MOV10L1: variants seen among roughly 807,000 people sequenced by gnomAD.
MOV10L1 encodes the protein Mov10 like RNA helicase 1, also known as RNA helicase Mov10l1.
In MOV10L1, 110 loss-of-function variants were observed where a neutral mutation model predicts 143.8. That is an observed-to-expected ratio of 0.76 (90% CI 0.66 to 0.90). The LOEUF (loss-of-function observed/expected upper bound fraction) is 0.90, where lower values mean the gene tolerates loss of function less well. MOV10L1 is among the 40% of genes least tolerant of loss of function. MOV10L1 has a pLI of 0.00. For synonymous variants in MOV10L1, 593 were observed against 581.1 expected, an observed-to-expected ratio of 1.02 and a Z score of -0.29; for missense variants, 1,406 against 1,526.8, an observed-to-expected ratio of 0.92 and a Z score of 1.32.
intron 13 of MOV10L1, among the ~76,000 whole-genome samples, chr22:50,131,063 ATTT>A (rs3041370): frequency 0.025 from 3,266 of 128,080 alleles, 47 homozygotes; most frequent in South Asian, 0.04. Context: ...CGCCCGGCTA[ATTT>A]TTTTTTTTTT....
chr22:50,148,987 G>A (rs537908327), intron 19 of MOV10L1, among the ~76,000 whole-genome samples: 14 of 152,334 alleles, frequency 9.2e-5, no homozygotes, highest in South Asian at 4.1e-4. Flanking sequence ...TAATGGTGCC[G>A]CAGATTGGGA....
intron 1 of MOV10L1, chr22:50,091,513 T>C (rs2062441922): frequency 6.5e-6 from 1 of 154,248 alleles, no homozygotes; most frequent in South Asian, 2.0e-4. Flanking sequence ...TGCTAATGAC[T>C]CCCAGATGCT....
At chr22:50,095,402 A>T (rs945570901) in intron 2 of MOV10L1, 1 of 152,198 alleles carries the variant, frequency 6.6e-6, no homozygotes, top group African/African-American at 2.4e-5. Context: ...TTATTTAATT[A>T]TATTTTTTCC....
chr22:50,138,965 G>A (rs1353599316), intron 15 of MOV10L1, among the ~76,000 whole-genome samples: 1 of 151,100 alleles, frequency 6.6e-6, no homozygotes, highest in Non-Finnish European at 1.5e-5. Flanking sequence ...GCCTCCCATA[G>A]TGCTGGGATT....
chr22:50,128,981 T>C (rs1190286570), intron 13 of MOV10L1, among the ~76,000 whole-genome samples: 1 of 152,122 alleles, frequency 6.6e-6, no homozygotes, highest in Non-Finnish European at 1.5e-5. Flanking sequence ...TGTCTCTTTA[T>C]CTTTAATTGG....
intron 19 of MOV10L1, chr22:50,147,270 C>G (rs1407462702): frequency 5.0e-6 from 2 of 396,908 alleles, no homozygotes; most frequent in African/African-American, 9.2e-5. Flanking sequence ...AGGGAGGGTG[C>G]TGCAGGCCGC....
intron 15 of MOV10L1, among the ~76,000 whole-genome samples, chr22:50,136,154 G>C (rs2062818308): frequency 6.6e-6 from 1 of 152,102 alleles, no homozygotes; most frequent in South Asian, 2.1e-4. Context: ...TTTCATAGTT[G>C]ATCTCTTTTT....
intron 15 of MOV10L1, among the ~76,000 whole-genome samples, chr22:50,140,396 G>A (rs2062946693): frequency 6.6e-6 from 1 of 152,162 alleles, no homozygotes; most frequent in Non-Finnish European, 1.5e-5. Context: ...CTTATTGTAT[G>A]TCAGTCACAC....
rs764307888 is a variant in MOV10L1, at chr22:50,108,167, G to A, written c.474G>A (p.Glu158=). Residue 158 remains glutamate (E), a synonymous_variant, in exon 4 of 27, where the codon GAG becomes GAA. Transcript: ENST00000262794. The part of the protein sequence containing the change: ...GFEPCKGDWV[E]AEYRIRPGTW... ...AGCCCTGCAAGGGAGACTGGGTGGAGGCTGAGTACCGGATCCGGCCTGGCA... is the reference window on the plus strand; with the variant it reads ...AGCCCTGCAAGGGAGACTGGGTGGAAGCTGAGTACCGGATCCGGCCTGGCA... 1.9e-6 allele frequency: 3 copies of A among 1,614,114 alleles called. No homozygotes were observed. Among genetic ancestry groups the A allele is most frequent in the Non-Finnish European group, 2.5e-6 (3 of 1,180,030 alleles).
intron 10 of MOV10L1, among the ~76,000 whole-genome samples, chr22:50,123,196 CAAAAA>C (rs71198219): frequency 1.0e-3 from 103 of 101,418 alleles, no homozygotes; most frequent in East Asian, 4.0e-3. Context: ...ACTCATGTCT[CAAAAA>C]AAAAAAAAAA....
chr22:50,154,261 A>G (rs955643876), intron 22 of MOV10L1, among the ~76,000 whole-genome samples: 5 of 152,184 alleles, frequency 3.3e-5, no homozygotes, highest in South Asian at 2.1e-4. Flanking sequence ...CCTGGGTATC[A>G]GGAAAACACA....
chr22:50,108,357 A>G lies in MOV10L1; in HGVS notation c.555+109A>G, dbSNP rs1307363676. 42 of 1,068,258 alleles carry G rather than the reference A, an allele frequency of 3.9e-5. No individual in the cohort carries two copies. In the Admixed American group the frequency reaches 8.3e-4, roughly 21 times the overall value. The allele number at this position is 1,068,258 out of a possible 1,614,324, so 66.2% of individuals were successfully genotyped here. A position where few individuals can be genotyped will look rare whatever the true frequency, so the allele number is the denominator to read the frequency against. ...CATGTGTTGGAAGCCTGGAAAAATA[A>G]AGCTTTGTCATGGCCAAAGAGGAGT... On this transcript the variant is annotated intron_variant, in intron 4 of 26. Coordinates refer to ENST00000262794, the MANE Select transcript of MOV10L1 (RefSeq NM_018995.3).
In MOV10L1 at chr22:50,158,335, C is replaced by T; in HGVS notation, c.3216+129C>T. 8.6e-7 allele frequency: 1 copy of T among 1,159,172 alleles called. No individual in the cohort carries two copies. The highest frequency in any genetic ancestry group is 1.2e-6 in the Non-Finnish European group (1 of 833,440). 71.8% of individuals were successfully genotyped at this position (1,159,172 alleles called of 1,614,324 possible). ...GCAGGTTTTTAAAGGGGCAGGACCG[C>T]ACTTGAATGTCGTTCAACATGAGAG... On this transcript the variant is annotated intron_variant, in intron 23 of 26. Transcript: ENST00000262794. This position sits in a 1 kb window ranked among gnomAD's most constrained non-coding sequence, Gnocchi z 5.0.
intron 19 of MOV10L1, among the ~76,000 whole-genome samples, chr22:50,148,696 C>G (rs1187794139): frequency 6.7e-6 from 1 of 148,676 alleles, no homozygotes; most frequent in Non-Finnish European, 1.5e-5. Context: ...TGGAGTCTTG[C>G]TCTGTCACCC....
At chr22:50,122,970 G>T (rs1333199785) in intron 10 of MOV10L1, among the ~76,000 whole-genome samples, 3 of 151,954 alleles carry the variant, frequency 2.0e-5, no homozygotes, top group Admixed American at 6.6e-5. Flanking sequence ...TTACAGGCAA[G>T]TATGGGTGTG....
Position 50,090,087 on chromosome 22 carries a change from C to T in MOV10L1, c.-2C>T. On this transcript the variant is annotated 5_prime_UTR_variant, in exon 1 of 27. Coordinates refer to ENST00000262794, the MANE Select transcript of MOV10L1 (RefSeq NM_018995.3). ...GACGGCAGCCTAGGCCGGGCGAGGG[C>T]CATGCTGAGCCTCGCAGCCAAGCTG... 4 of 1,322,634 alleles carry T rather than the reference C, an allele frequency of 3.0e-6. No homozygotes were observed. Among genetic ancestry groups the T allele is most frequent in the Non-Finnish European group, 2.9e-6 (3 of 1,035,996 alleles). The allele number at this position is 1,322,634 out of a possible 1,614,324, so 81.9% of individuals were successfully genotyped here.
chr22:50,095,777 C>G (rs1485127331), intron 2 of MOV10L1: 3 of 151,852 alleles, frequency 2.0e-5, no homozygotes, highest in Non-Finnish European at 4.4e-5. Flanking sequence ...TTCACTTGTT[C>G]CATCTTGTAA....
chr22:50,107,095 G>A lies in MOV10L1; in HGVS notation c.443-1041G>A, dbSNP rs530006690. ...TTTTCTTTCTTTTCTTTTTTTTTGA[G>A]ACGGTGTCTCGCTGTGTCACCCAGG... is the stretch of plus-strand genomic sequence containing the variant. On this transcript the variant is annotated intron_variant, in intron 3 of 26. Transcript: ENST00000262794. Among the ~76,000 whole-genome samples the A allele has an allele frequency of 1.1e-4, 17 of 150,114 alleles. No individual in the cohort carries two copies. In the East Asian group the frequency reaches 3.3e-3, roughly 30 times the overall value.
At chr22:50,157,755 T>C (rs1156387652) in intron 22 of MOV10L1, among the ~76,000 whole-genome samples, 2 of 109,038 alleles carry the variant, frequency 1.8e-5, no homozygotes, top group Non-Finnish European at 3.8e-5. Flanking sequence ...ATCAAAGGTC[T>C]AATATCAAAA....
Sources: gnomAD v4.1 joint callset for allele counts (sites outside exome capture counted in the v4.1 genomes callset) on GRCh38, gnomAD v4.1.1 for gene constraint, Gnocchi (gnomAD v3.1) non-coding constraint, MANE v1.5 for transcripts, NCBI Gene and HGNC (gene_info 2026-07-23, HGNC 2026-07-21) for gene names.